Variants in PTPRD observed in about 807,000 individuals in gnomAD.
PTPRD encodes receptor-type tyrosine-protein phosphatase delta.
A neutral mutation model predicts 214.5 loss-of-function variants in PTPRD; 34 were observed. The ratio of observed to expected loss-of-function variants is 0.16; its 90% CI spans 0.12 to 0.21. PTPRD has a LOEUF of 0.21. PTPRD is among the 10% of genes least tolerant of loss of function. The probability of loss-of-function intolerance (pLI) is 1.00; values close to 1 mark genes in which losing one functional copy is unlikely to be tolerated. For synonymous variants in PTPRD, 1,128 were observed against 845.7 expected, an observed-to-expected ratio of 1.33 and a Z score of -5.79; for missense variants, 2,545 against 2,398.7, an observed-to-expected ratio of 1.06 and a Z score of -1.27.
chr9:8,791,137 T>G (rs750318162), intron 11 of PTPRD, among the ~76,000 whole-genome samples: 7 of 152,180 alleles, frequency 4.6e-5, no homozygotes, highest in Non-Finnish European at 8.8e-5. Flanking sequence ...AGAGGCCAAT[T>G]ACATGGAAAT....
At position 8,934,758 on chromosome 9, in the gene PTPRD, A is replaced by G. The variant is rs58111303; in HGVS notation, c.-104+83939T>C. On this transcript the variant is annotated intron_variant, in intron 11 of 45. Coordinates refer to ENST00000381196, the MANE Select transcript of PTPRD (RefSeq NM_002839.4). ...GGAAACTTTTTATCCTTCTACTAACATCTCCCTGTCTCTCCCACTCTCTAG... is the reference window on the plus strand; with the variant it reads ...GGAAACTTTTTATCCTTCTACTAACGTCTCCCTGTCTCTCCCACTCTCTAG... Among the ~76,000 whole-genome samples the G allele has an allele frequency of 9.9e-3, 1,487 of 150,808 alleles. 22 individuals are homozygous for G. Among genetic ancestry groups the G allele is most frequent in the African/African-American group, 0.033 (1,375 of 41,124 alleles).
intron 14 of PTPRD, among the ~76,000 whole-genome samples, chr9:8,553,762 A>G (rs2082832652): frequency 6.6e-6 from 1 of 152,196 alleles, no homozygotes; most frequent in African/African-American, 2.4e-5. Flanking sequence ...CAGAGAACCT[A>G]TATAACCCTA....
At chr9:10,211,980 C>A (rs1489500793) in intron 3 of PTPRD, among the ~76,000 whole-genome samples, 1 of 152,060 alleles carries the variant, frequency 6.6e-6, no homozygotes, top group Non-Finnish European at 1.5e-5. Context: ...TACAGCAGGT[C>A]AATTTTGTCC....
intron 9 of PTPRD, among the ~76,000 whole-genome samples, chr9:9,216,640 T>C (rs1450374059): frequency 6.6e-6 from 1 of 152,168 alleles, no homozygotes; most frequent in Non-Finnish European, 1.5e-5. Context: ...TTGTAGGTGT[T>C]CTTATAAGTC....
chr9:9,698,423 C>A (rs2097424089), intron 7 of PTPRD, among the ~76,000 whole-genome samples: 1 of 152,140 alleles, frequency 6.6e-6, no homozygotes. Flanking sequence ...TTGCCTGTCC[C>A]AGATAGGGGA....
At chr9:9,008,879 G>A (rs1221941000) in intron 11 of PTPRD, among the ~76,000 whole-genome samples, 1 of 152,040 alleles carries the variant, frequency 6.6e-6, no homozygotes, top group African/African-American at 2.4e-5. Flanking sequence ...AGCATGTCAG[G>A]TAAAGCATAA....
At chr9:8,662,512 G>T (rs2097083043) in intron 12 of PTPRD, among the ~76,000 whole-genome samples, 1 of 152,118 alleles carries the variant, frequency 6.6e-6, no homozygotes, top group African/African-American at 2.4e-5. Flanking sequence ...TTGTCTAATT[G>T]TAGACAACTC....
At chr9:9,951,428 T>C (rs2093442558) in intron 4 of PTPRD, among the ~76,000 whole-genome samples, 1 of 152,204 alleles carries the variant, frequency 6.6e-6, no homozygotes, top group African/African-American at 2.4e-5. Flanking sequence ...GCTATGGCTC[T>C]TATTGAAAAA....
Position 8,317,762 on chromosome 9 carries a change from T to C in PTPRD, c.*112A>G, listed in dbSNP as rs1265627944. 15 of 837,976 alleles carry C rather than the reference T, an allele frequency of 1.8e-5. No homozygotes were observed. The highest frequency in any genetic ancestry group is 3.0e-5 in the Non-Finnish European group (15 of 503,526). The allele number at this position is 837,976 out of a possible 1,614,324, so 51.9% of individuals were successfully genotyped here. A position where few individuals can be genotyped will look rare whatever the true frequency, so the allele number is the denominator to read the frequency against. On this transcript the variant is annotated 3_prime_UTR_variant, in exon 46 of 46. Coordinates refer to ENST00000381196, the MANE Select transcript of PTPRD (RefSeq NM_002839.4). The stretch of plus-strand genomic sequence containing the variant: ...TTTTGTGTGTAATAGTCCCACTAAG[T>C]AGTTGTTAGCTAGAAGTTAAGAAGG...
At chr9:8,819,791 T>C (rs934198185) in intron 11 of PTPRD, among the ~76,000 whole-genome samples, 1 of 152,208 alleles carries the variant, frequency 6.6e-6, no homozygotes, top group South Asian at 2.1e-4. Context: ...CGTGAAGTTG[T>C]TGATAGCCGG....
intron 14 of PTPRD, among the ~76,000 whole-genome samples, chr9:8,628,916 A>T (rs557655008): frequency 6.6e-6 from 1 of 151,992 alleles, no homozygotes; most frequent in Non-Finnish European, 1.5e-5. Context: ...TTCTATGAAC[A>T]AAGCCAGTTC....
intron 2 of PTPRD, among the ~76,000 whole-genome samples, chr9:10,486,607 T>G (rs2099134430): frequency 6.6e-6 from 1 of 152,312 alleles, no homozygotes. Context: ...TCTATTTATT[T>G]GAACAGTTTC....
chr9:9,426,122 G>A (rs765696053), intron 8 of PTPRD, among the ~76,000 whole-genome samples: 21 of 152,172 alleles, frequency 1.4e-4, no homozygotes, highest in Non-Finnish European at 2.6e-4. Flanking sequence ...CGCCTCACCC[G>A]GGAAGCACAA....
At chr9:9,999,539 A>G (rs1936368) in intron 4 of PTPRD, among the ~76,000 whole-genome samples, 128,997 of 152,236 alleles carry the variant, frequency 0.85, 55,135 homozygotes, top group Middle Eastern at 0.9. Flanking sequence ...CTTCCCAAAG[A>G]GAAATGTTGT....
At chr9:9,953,339 G>C (rs926094465) in intron 4 of PTPRD, among the ~76,000 whole-genome samples, 1 of 152,044 alleles carries the variant, frequency 6.6e-6, no homozygotes, top group Non-Finnish European at 1.5e-5. Context: ...GGGATAAAAA[G>C]ACTACATACT....
chr9:8,735,905 C>T (rs1327502362), intron 11 of PTPRD, among the ~76,000 whole-genome samples: 1 of 61,064 alleles, frequency 1.6e-5, no homozygotes, highest in East Asian at 5.5e-4. Context: ...AGTGAGACTT[C>T]GTCTCAAAAA....
chr9:9,551,087 A>G lies in PTPRD; in HGVS notation c.-237+23645T>C, dbSNP rs1014820494. 2.6e-5 allele frequency among the ~76,000 whole-genome samples: 4 copies of G among 152,080 alleles called. No individual in the cohort carries two copies. In the East Asian group the frequency reaches 7.8e-4, roughly 29 times the overall value. Reference sequence around the variant, plus strand: ...CTACATGACCCCATAGTTACACTCAATTTATAATTTAATGTATATTCTTGA... The same window carrying G: ...CTACATGACCCCATAGTTACACTCAGTTTATAATTTAATGTATATTCTTGA... On this transcript the variant is annotated intron_variant, in intron 8 of 45. Transcript: ENST00000381196.
chr9:9,545,368 T>C, intron 8 of PTPRD, among the ~76,000 whole-genome samples: 1 of 151,860 alleles, frequency 6.6e-6, no homozygotes, highest in East Asian at 1.9e-4. Flanking sequence ...AGTTTCGTCT[T>C]TTCTAGAATG....
chr9:9,659,614 G>T (rs971122477), intron 7 of PTPRD, among the ~76,000 whole-genome samples: 2 of 151,678 alleles, frequency 1.3e-5, no homozygotes, highest in Non-Finnish European at 2.9e-5. Context: ...AAAATACCCT[G>T]AAAAAAAGCT....
Sources: gnomAD v4.1 joint callset for allele counts (sites outside exome capture counted in the v4.1 genomes callset) on GRCh38, gnomAD v4.1.1 for gene constraint, MANE v1.5 for transcripts, NCBI Gene and HGNC (gene_info 2026-07-23, HGNC 2026-07-21) for gene names.